Variants in GRID2 observed in about 807,000 individuals in gnomAD.
GRID2 encodes the protein glutamate ionotropic receptor delta type subunit 2.
GRID2 carries 33 observed loss-of-function variants against 114.8 expected under a neutral mutation model. That is an observed-to-expected ratio of 0.29 (90% CI 0.22 to 0.38). The LOEUF is 0.38. Ranked by LOEUF, GRID2 falls within the 10% of genes least tolerant of loss-of-function variation. The probability of loss-of-function intolerance (pLI) is 1.00; values close to 1 mark genes in which losing one functional copy is unlikely to be tolerated. For missense variants in GRID2, 1,184 were observed against 1,257.7 expected, an observed-to-expected ratio of 0.94 and a Z score of 0.89; for synonymous variants, 505 against 449.9, an observed-to-expected ratio of 1.12 and a Z score of -1.55.
At chr4:93,312,628 T>C (rs936430712) in intron 8 of GRID2, among the ~76,000 whole-genome samples, 1 of 152,204 alleles carries the variant, frequency 6.6e-6, no homozygotes, top group Non-Finnish European at 1.5e-5. Context: ...CAAAACCTGC[T>C]TCCATTTCAA....
chr4:92,877,619 T>C (rs1246725965), intron 2 of GRID2, among the ~76,000 whole-genome samples: 4 of 152,308 alleles, frequency 2.6e-5, no homozygotes, highest in Non-Finnish European at 5.9e-5. Context: ...CTTTTGTTCT[T>C]CTACAGTCAG....
chr4:92,628,719 A>C (rs1297485081), intron 2 of GRID2, among the ~76,000 whole-genome samples: 1 of 152,016 alleles, frequency 6.6e-6, no homozygotes, highest in Non-Finnish European at 1.5e-5. Flanking sequence ...CTGCACCCAT[A>C]ACTTCCACAG....
intron 10 of GRID2, among the ~76,000 whole-genome samples, chr4:93,424,470 G>T (rs897821394): frequency 2.6e-5 from 4 of 151,938 alleles, no homozygotes; most frequent in African/African-American, 9.7e-5. Flanking sequence ...AATTTACAGG[G>T]TTTTTTAATG....
chr4:93,115,402 G>GACACACAC (rs374431110), intron 4 of GRID2, among the ~76,000 whole-genome samples: 17 of 144,574 alleles, frequency 1.2e-4, no homozygotes, highest in Admixed American at 3.6e-4. Flanking sequence ...AGTATATACA[G>GACACACAC]ACACACACAC....
At chr4:93,590,872 A>G (rs552210845) in intron 13 of GRID2, among the ~76,000 whole-genome samples, 4 of 149,794 alleles carry the variant, frequency 2.7e-5, no homozygotes, top group African/African-American at 9.8e-5. Context: ...TTGTTGGTGT[A>G]TAGGAATGCT....
intron 2 of GRID2, among the ~76,000 whole-genome samples, chr4:92,758,803 C>T (rs1041711653): frequency 6.6e-6 from 1 of 151,980 alleles, no homozygotes; most frequent in Middle Eastern, 3.4e-3. Context: ...CAGTTGAGTC[C>T]ATGCAGGACA....
intron 1 of GRID2, among the ~76,000 whole-genome samples, chr4:92,483,935 C>T (rs762341972): frequency 5.3e-5 from 8 of 152,060 alleles, no homozygotes; most frequent in Non-Finnish European, 7.4e-5. Flanking sequence ...CATATGAGAA[C>T]GCACAGTTAG....
intron 8 of GRID2, among the ~76,000 whole-genome samples, chr4:93,252,581 T>C (rs1231975686): frequency 6.6e-6 from 1 of 152,158 alleles, no homozygotes. Flanking sequence ...AATTTTAAAA[T>C]AGTTTTTCCT....
At chr4:93,036,176 A>G (rs1448854103) in intron 2 of GRID2, among the ~76,000 whole-genome samples, 2 of 152,138 alleles carry the variant, frequency 1.3e-5, no homozygotes, top group Admixed American at 6.6e-5. Context: ...TAATCTTCTT[A>G]TAACCTAAAA....
At chr4:93,346,068 C>A (rs1311371295) in intron 8 of GRID2, among the ~76,000 whole-genome samples, 1 of 152,096 alleles carries the variant, frequency 6.6e-6, no homozygotes, top group African/African-American at 2.4e-5. Context: ...ATATCAAAAT[C>A]AGGTACTGTG....
At chr4:93,510,372 A>C (rs543983114) in intron 12 of GRID2, among the ~76,000 whole-genome samples, 2 of 152,296 alleles carry the variant, frequency 1.3e-5, no homozygotes, top group Non-Finnish European at 2.9e-5. Context: ...TTTAAGTTTT[A>C]TGTGGATAGT....
At chr4:92,434,886 T>C (rs1376999926) in intron 1 of GRID2, among the ~76,000 whole-genome samples, 1 of 152,172 alleles carries the variant, frequency 6.6e-6, no homozygotes, top group Admixed American at 6.5e-5. Flanking sequence ...CCTATAATGC[T>C]GTAGAAAATT....
chr4:92,869,716 A>G (rs1356232360), intron 2 of GRID2, among the ~76,000 whole-genome samples: 1 of 152,050 alleles, frequency 6.6e-6, no homozygotes, highest in Non-Finnish European at 1.5e-5. Flanking sequence ...CCTTTCCTTG[A>G]TCATGCCAAT....
intron 2 of GRID2, among the ~76,000 whole-genome samples, chr4:92,661,437 A>G (rs903446795): frequency 4.0e-5 from 6 of 151,002 alleles, no homozygotes; most frequent in Non-Finnish European, 8.9e-5. Context: ...CAGCTTTACC[A>G]TAAGTTTTAG....
rs779704590 is a variant in GRID2, at chr4:92,371,644, C to G, written c.88+66900C>G. Among the ~76,000 whole-genome samples the G allele has an allele frequency of 4.1e-4, 63 of 152,108 alleles. 3 individuals carry two copies. The highest frequency in any genetic ancestry group is 2.4e-3 in the Admixed American group (37 of 15,256). On this transcript the variant is annotated intron_variant, in intron 1 of 15. Transcript: ENST00000282020. ...ATATCACTGCTCACTGGTAATGGAC[C>G]TCATGACTTGACGGCTCTGATGGAG...
At position 93,423,336 on chromosome 4, in the gene GRID2, CTTTTTTTTTTTTTTTTT is replaced by C. The variant is rs554663844; in HGVS notation, c.1545+381_1545+397del. 5.4e-5 allele frequency among the ~76,000 whole-genome samples: 4 copies of C among 73,568 alleles called. No individual in the cohort carries two copies. In the East Asian group the frequency reaches 1.4e-3, roughly 25 times the overall value. 48.3% of individuals were successfully genotyped at this position (73,568 alleles called of 152,430 possible). On this transcript the variant is annotated intron_variant, in intron 10 of 15. Coordinates refer to ENST00000282020, the MANE Select transcript of GRID2 (RefSeq NM_001510.4). ...GCAATTTGTACTATTTTTTTTCTTT[CTTTTTTTTTTTTTTTTT>C]TTTTTTTTTTTTGAGACAGAGTCTC...
At chr4:93,139,856 T>G (rs1735600530) in intron 4 of GRID2, among the ~76,000 whole-genome samples, 1 of 151,890 alleles carries the variant, frequency 6.6e-6, no homozygotes, top group Admixed American at 6.6e-5. Context: ...AAACTAAACA[T>G]TATGAGAAAC....
chr4:92,633,443 G>C (rs572730311), intron 2 of GRID2, among the ~76,000 whole-genome samples: 2 of 152,238 alleles, frequency 1.3e-5, no homozygotes, highest in African/African-American at 4.8e-5. Context: ...GGTTGGAAGG[G>C]AGAAGAAGAT....
chr4:92,735,269 G>A (rs896907085), intron 2 of GRID2, among the ~76,000 whole-genome samples: 3 of 152,068 alleles, frequency 2.0e-5, no homozygotes, highest in African/African-American at 7.2e-5. Flanking sequence ...AGCTATGGAT[G>A]CTACCGAATC....
Sources: gnomAD v4.1 joint callset for allele counts (sites outside exome capture counted in the v4.1 genomes callset) on GRCh38, gnomAD v4.1.1 for gene constraint, MANE v1.5 for transcripts, NCBI Gene and HGNC (gene_info 2026-07-23, HGNC 2026-07-21) for gene names.